HEATR1: variants seen among roughly 807,000 people sequenced by gnomAD.
HEATR1 encodes the protein HEAT repeat containing 1, also known as HEAT repeat-containing protein 1.
In HEATR1, 77 loss-of-function variants were observed where a neutral mutation model predicts 248.2. That is an observed-to-expected ratio of 0.31 (90% CI 0.26 to 0.37). The LOEUF (loss-of-function observed/expected upper bound fraction) is 0.37. HEATR1 is among the 10% of genes least tolerant of loss of function. The probability of loss-of-function intolerance (pLI) is 1.00; values close to 1 mark genes in which losing one functional copy is unlikely to be tolerated. For missense variants in HEATR1, 2,420 were observed against 2,504.9 expected (o/e 0.97, Z 0.72); for synonymous variants, 897 against 923.1 (o/e 0.97, Z 0.51).
intron 19 of HEATR1, 125 bp from the exon 20 acceptor site, chr1:236,581,539 A>G (rs1286752848): frequency 4.2e-5 from 26 of 615,496 alleles, no homozygotes; most frequent in Non-Finnish European, 6.3e-5. Context: ...TGCTTTGTCT[A>G]ATCATTTCAA....
At chr1:236,553,560 A>T (rs1372539025) in intron 43 of HEATR1, 21 bp downstream of exon 43, 23 of 1,609,342 alleles carry the variant, frequency 1.4e-5, no homozygotes, top group Non-Finnish European at 1.8e-5. Context: ...CAGTTTCAGT[A>T]CTTGTCACGC....
At position 236,585,198 on chromosome 1, in the gene HEATR1, C is replaced by T. The variant is rs111453499; in HGVS notation, c.2068G>A (p.Val690Met). 4.4e-5 allele frequency: 71 copies of T among 1,610,634 alleles called. No homozygotes were observed. In the African/African-American group the frequency reaches 7.1e-4, roughly 16 times the overall value. ...MLKMVEDLIS[V>M]GEEESFNLKQ... ...AGGTTAAAGGACTCCTCCTCACCCA[C>T]GCTTATTAAATCCTCCACCTTGAAA... The change falls in exon 17 of 45, where the codon GTG becomes ATG. Residue 690 changes from valine (V) to methionine (M), a missense_variant. Transcript: ENST00000366582.
In HEATR1 at chr1:236,565,812, C is replaced by CT. The variant is rs1663253200; in HGVS notation, c.4435+106dup. The CT allele has an allele frequency of 2.8e-6, 3 of 1,071,434 alleles. No individual in the cohort carries two copies. The South Asian group carries it at 5.2e-5, about 19-fold the overall frequency. The allele number at this position is 1,071,434 out of a possible 1,614,324, so 66.4% of individuals were successfully genotyped here. On this transcript the variant is annotated intron_variant, in intron 31 of 44. Coordinates refer to ENST00000366582, the MANE Select transcript of HEATR1 (RefSeq NM_018072.6). ...TACACAATCAAATTAAAATGATTAA[C>CT]TTACTTTAAAAATCCTTCTGAAGAT...
Position 236,575,504 on chromosome 1 carries a change from T to C in HEATR1, c.3085-601A>G, listed in dbSNP as rs1464035704. 1.6e-4 allele frequency among the ~76,000 whole-genome samples: 25 copies of C among 152,224 alleles called. 1 individual carries two copies. The highest frequency in any genetic ancestry group is 1.6e-3 in the Admixed American group (25 of 15,284). ...CCAAAAGCATAAAATATTTCCTATCTGGTCCTTTACCCAAGAAATTTGTCA... is the reference window on the plus strand; with the variant it reads ...CCAAAAGCATAAAATATTTCCTATCCGGTCCTTTACCCAAGAAATTTGTCA... On this transcript the variant is annotated intron_variant, in intron 22 of 44. Transcript: ENST00000366582.
chr1:236,599,945 T>C (rs150479656), intron 3 of HEATR1, among the ~76,000 whole-genome samples: 53 of 152,150 alleles, frequency 3.5e-4, no homozygotes, highest in African/African-American at 1.3e-3. Flanking sequence ...CAGGCTGGAG[T>C]GCAGTGGCAC....
In HEATR1 at chr1:236,564,624, T is replaced by C. The variant is rs1558180503; in HGVS notation, c.4473A>G (p.Glu1491=). ...IPKAVSFNKS[E]SQEEMLQVFN... The stretch of plus-strand genomic sequence containing the variant: ...AAACCTGTAGCATTTCTTCTTGTGA[T>C]TCACTCTTATTAAATGACACTGCTT... The change falls in exon 32 of 45, where the codon GAA becomes GAG. Residue 1491 remains glutamate, a synonymous_variant. Coordinates refer to ENST00000366582, the MANE Select transcript of HEATR1 (RefSeq NM_018072.6). 6.2e-7 allele frequency: 1 copy of C among 1,613,504 alleles called. No individual in the cohort carries two copies. The highest frequency in any genetic ancestry group is 2.2e-5 in the East Asian group (1 of 44,862).
chr1:236,561,935 T>C (rs1461744789), intron 32 of HEATR1, among the ~76,000 whole-genome samples: 4 of 152,182 alleles, frequency 2.6e-5, no homozygotes, highest in Non-Finnish European at 4.4e-5. Context: ...TTTGATCATC[T>C]TGGGAAGTTT....
chr1:236,551,841 A>G (rs1354260676), intron 44 of HEATR1, 158 bp downstream of exon 44: 23 of 584,584 alleles, frequency 3.9e-5, no homozygotes, highest in Non-Finnish European at 2.7e-5. Context: ...CAGGAGCTCG[A>G]GCCTGCCTGT....
chr1:236,603,856 G>A (rs1332574988), intron 2 of HEATR1, 98 bp downstream of exon 2: 9 of 1,298,364 alleles, frequency 6.9e-6, no homozygotes, highest in Admixed American at 5.2e-5. Flanking sequence ...CTAAGGAAGA[G>A]GACGGGACAG....
At chr1:236,585,544 T>G (rs986327256) in intron 16 of HEATR1, among the ~76,000 whole-genome samples, 1 of 152,092 alleles carries the variant, frequency 6.6e-6, no homozygotes, top group African/African-American at 2.4e-5. Flanking sequence ...ACAAAAAGAC[T>G]AATATTTTAA....
chr1:236,564,911 CA>C (rs528991521), intron 31 of HEATR1, among the ~76,000 whole-genome samples: 1 of 152,198 alleles, frequency 6.6e-6, no homozygotes, highest in Non-Finnish European at 1.5e-5. Context: ...GGAAACTGGA[CA>C]ATCAAATGGA....
At chr1:236,557,001 T>A (rs1662996296) in intron 37 of HEATR1, among the ~76,000 whole-genome samples, 194 bp downstream of exon 37, 1 of 152,188 alleles carries the variant, frequency 6.6e-6, no homozygotes, top group Admixed American at 6.5e-5. Context: ...CCATATCAAT[T>A]TCAAGATTAA....
chr1:236,598,586 A>G (rs944075530), intron 4 of HEATR1, among the ~76,000 whole-genome samples: 1 of 152,212 alleles, frequency 6.6e-6, no homozygotes, highest in Non-Finnish European at 1.5e-5. Flanking sequence ...TGTTGGGAAG[A>G]GCAGTTAATG....
rs1449291835 is a variant in HEATR1, at chr1:236,561,376, G to C, written c.4600-105C>G. 4.9e-6 allele frequency: 4 copies of C among 820,560 alleles called. No individual in the cohort carries two copies. In the Admixed American group the frequency reaches 8.2e-5, roughly 17 times the overall value. The allele number at this position is 820,560 out of a possible 1,614,324, so 50.8% of individuals were successfully genotyped here. On this transcript the variant is annotated intron_variant, in intron 32 of 44. Transcript: ENST00000366582. ...GGACCATTCACTGAAACCTTCCACAGCAACTGTTTTCTGACATTACAATTT... is the reference window on the plus strand; with the variant it reads ...GGACCATTCACTGAAACCTTCCACACCAACTGTTTTCTGACATTACAATTT...
Position 236,583,149 on chromosome 1 carries a change from G to A in HEATR1, c.2289C>T (p.Ile763=), listed in dbSNP as rs149323115. 42 of 1,613,396 alleles carry A rather than the reference G, an allele frequency of 2.6e-5. No individual in the cohort carries two copies. Among genetic ancestry groups the A allele is most frequent in the Non-Finnish European group, 3.6e-5 (42 of 1,179,796 alleles). The change falls in exon 18 of 45, where the codon ATC becomes ATT. Residue 763 remains isoleucine (I), a synonymous_variant. Transcript: ENST00000366582. ...CATAATGTGCCCACAGCTCCACTGG[G>A]ATCCCTCTGTCTAACATCAGTTCAA... ...WHIELMLDRG[I]PVELWAHYVE...
At chr1:236,575,563 G>A (rs2103137263) in intron 22 of HEATR1, among the ~76,000 whole-genome samples, 1 of 152,234 alleles carries the variant, frequency 6.6e-6, no homozygotes, top group Admixed American at 6.5e-5. Context: ...GGACAACTAA[G>A]GGCTGAATGC....
intron 3 of HEATR1, among the ~76,000 whole-genome samples, chr1:236,601,339 T>C (rs1227855987): frequency 6.6e-6 from 1 of 151,822 alleles, no homozygotes; most frequent in Non-Finnish European, 1.5e-5. Context: ...ATCTGTCTCC[T>C]GGATTCAAGC....
chr1:236,566,393 T>C (rs2103130717), intron 30 of HEATR1, among the ~76,000 whole-genome samples: 1 of 150,822 alleles, frequency 6.6e-6, no homozygotes, highest in Non-Finnish European at 1.5e-5. Context: ...ACCACTTGCG[T>C]GGCACCAGAA....
At chr1:236,576,148 C>T in intron 22 of HEATR1, 71 bp downstream of exon 22, 3 of 1,189,538 alleles carry the variant, frequency 2.5e-6, no homozygotes, top group South Asian at 3.8e-5. Flanking sequence ...TTGTCTTCTT[C>T]ACCCACAAGC....
Sources: allele counts gnomAD v4.1 joint callset (sites outside exome capture counted in the v4.1 genomes callset), GRCh38; gene constraint gnomAD v4.1.1; transcripts MANE v1.5; gene names NCBI Gene and HGNC (gene_info 2026-07-23, HGNC 2026-07-21).